Variants in ADGRG6 observed in about 807,000 individuals in gnomAD.
ADGRG6 encodes G-protein coupled receptor 126.
Under a neutral mutation model 142.4 loss-of-function variants are expected in ADGRG6, and 84 were observed. The ratio of observed to expected loss-of-function variants is 0.59; its 90% confidence interval spans 0.49 to 0.71. ADGRG6 has a LOEUF of 0.71. Ranked by LOEUF, ADGRG6 falls within the 30% of genes least tolerant of loss-of-function variation. ADGRG6 has a pLI of 0.00. For synonymous variants in ADGRG6, 521 were observed against 520.5 expected (o/e 1.00, Z -0.01); for missense variants, 1,367 against 1,466.6 (o/e 0.93, Z 1.11).
chr6:142,438,985 G>A (rs1332411749), intron 24 of ADGRG6, among the ~76,000 whole-genome samples: 2 of 152,070 alleles, frequency 1.3e-5, no homozygotes, highest in South Asian at 2.1e-4. Flanking sequence ...ACGACACCAT[G>A]GAAATAAAGA....
intron 2 of ADGRG6, among the ~76,000 whole-genome samples, chr6:142,318,597 A>G (rs2114593072): frequency 6.6e-6 from 1 of 150,886 alleles, no homozygotes; most frequent in African/African-American, 2.4e-5. Flanking sequence ...ATGTCAAGAG[A>G]TAACAGAAGA....
At chr6:142,338,038 T>TTTTTTTTTTTTTTTTTTTTTTTTTTTA in intron 2 of ADGRG6, among the ~76,000 whole-genome samples, 1 of 123,690 alleles carries the variant, frequency 8.1e-6, no homozygotes, top group Non-Finnish European at 1.7e-5. Context: ...TTTTTTTTTT[T>TTTTTTTTTTTTTTTTTTTTTTTTTTTA]GAGACGGAGT....
intron 2 of ADGRG6, among the ~76,000 whole-genome samples, chr6:142,340,479 C>T (rs963555490): frequency 4.6e-5 from 7 of 151,938 alleles, no homozygotes; most frequent in African/African-American, 9.7e-5. Flanking sequence ...TAGAAGTGCT[C>T]ATATGTACAC....
rs1440147847 is a variant in ADGRG6 at position 142,423,742 on chromosome 6, T to A, written c.3319+3638T>A. Among the ~76,000 whole-genome samples the A allele has an allele frequency of 9.4e-5, 12 of 127,108 alleles. No individual in the cohort carries two copies. The East Asian group carries it at 2.8e-3, about 30-fold the overall frequency. The allele number at this position is 127,108 out of a possible 152,430, so 83.4% of individuals were successfully genotyped here. A position where few individuals can be genotyped will look rare whatever the true frequency, so the allele number is the denominator to read the frequency against. ...GTAGCTTGATGGGGATGGCATTGAA[T>A]CTGTAAATTACCTTGGGCAGTATGG... On this transcript the variant is annotated intron_variant, in intron 22 of 24. Coordinates refer to ENST00000367609, the MANE Select transcript of ADGRG6 (RefSeq NM_198569.3).
In ADGRG6 at chr6:142,390,307, C is replaced by T. The variant is rs778064319; in HGVS notation, c.1272C>T (p.His424=). Residue 424 remains histidine, a synonymous_variant, in exon 7 of 25, where the codon CAC becomes CAT. Coordinates refer to ENST00000367609, the MANE Select transcript of ADGRG6 (RefSeq NM_198569.3). ...TAGTGATTCAGAACATCCTTCGTCACCCTGAGGTAAAAGTACAGAGCAAGG... is the reference window on the plus strand; with the variant it reads ...TAGTGATTCAGAACATCCTTCGTCATCCTGAGGTAAAAGTACAGAGCAAGG... ...ISVVIQNILR[H]PEVKVQSKVA... 1.9e-6 allele frequency: 3 copies of T among 1,601,414 alleles called. No homozygotes were observed. The highest frequency in any genetic ancestry group is 1.7e-5 in the Admixed American group (1 of 59,522).
rs779424381 is a variant in ADGRG6, at chr6:142,370,435, A to C, written c.711A>C (p.Leu237Phe). 32 of 1,613,520 alleles carry C rather than the reference A, an allele frequency of 2.0e-5. No homozygotes were observed. The highest frequency in any genetic ancestry group is 2.6e-5 in the Non-Finnish European group (31 of 1,179,604). Residue 237 changes from leucine (L) to phenylalanine (F), a missense_variant, in exon 4 of 25, where the codon TTA (leucine) becomes TTC (phenylalanine). By Grantham distance (22) the Leu-to-Phe change is conservative. Coordinates refer to ENST00000367609, the MANE Select transcript of ADGRG6 (RefSeq NM_198569.3). ...SDSKCLLNNA[L>F]PVKEKEDIFA... The stretch of plus-strand genomic sequence containing the variant: ...CAAAATGTTTGTTGAATAATGCATT[A>C]CCTGTCAAAGAAAAAGAAGACATTT...
At chr6:142,440,420 C>T (rs548863746) in intron 24 of ADGRG6, among the ~76,000 whole-genome samples, 1 of 152,196 alleles carries the variant, frequency 6.6e-6, no homozygotes, top group South Asian at 2.1e-4. Flanking sequence ...CCTCAGCCTC[C>T]CGAGTAGCTG....
intron 21 of ADGRG6, among the ~76,000 whole-genome samples, chr6:142,418,505 A>T (rs975280722): frequency 6.6e-6 from 1 of 152,140 alleles, no homozygotes; most frequent in African/African-American, 2.4e-5. Context: ...TCTAGGGACA[A>T]GCAACATTAT....
At chr6:142,377,078 A>G (rs1168634271) in intron 4 of ADGRG6, among the ~76,000 whole-genome samples, 3 of 152,032 alleles carry the variant, frequency 2.0e-5, no homozygotes, top group African/African-American at 4.8e-5. Flanking sequence ...CAGTGATTAC[A>G]TTTTTTTCAA....
At chr6:142,393,840 T>G in intron 8 of ADGRG6, 56 bp from the exon 9 acceptor site, 2 of 1,060,346 alleles carry the variant, frequency 1.9e-6, no homozygotes, top group Non-Finnish European at 2.8e-6. Context: ...CAAATTTTAT[T>G]GTTGATGATG....
chr6:142,401,678 A>C lies in ADGRG6; in HGVS notation c.1680-316A>C, dbSNP rs141884230. ...GTAGAAGGAAATAGTGCAAATGGAG[A>C]AACAAACTGGGGTGAGAGAGGAGAG... is the stretch of plus-strand genomic sequence containing the variant. On this transcript the variant is annotated intron_variant, in intron 11 of 24. Transcript: ENST00000367609. 4.6e-5 allele frequency among the ~76,000 whole-genome samples: 7 copies of C among 152,274 alleles called. No individual in the cohort carries two copies. The East Asian group carries it at 1.2e-3, about 25-fold the overall frequency.
chr6:142,408,991 C>G (rs1775951701), intron 16 of ADGRG6, among the ~76,000 whole-genome samples: 1 of 152,102 alleles, frequency 6.6e-6, no homozygotes, highest in African/African-American at 2.4e-5. Flanking sequence ...GTTTCAGCCC[C>G]TTCATTCATA....
chr6:142,311,738 A>ATTGTCC (rs1174282330), intron 2 of ADGRG6, among the ~76,000 whole-genome samples: 3 of 151,844 alleles, frequency 2.0e-5, no homozygotes, highest in African/African-American at 7.3e-5. Context: ...GTGTCCACTA[A>ATTGTCC]ATCTGTATTG....
At chr6:142,422,235 A>G (rs1776692390) in intron 22 of ADGRG6, among the ~76,000 whole-genome samples, 1 of 151,886 alleles carries the variant, frequency 6.6e-6, no homozygotes, top group Non-Finnish European at 1.5e-5. Context: ...ACATATGTAT[A>G]CATATGCCAT....
chr6:142,370,813 CTTTTTTTTTT>C lies in ADGRG6; in HGVS notation c.1069+28_1069+37del, dbSNP rs71643377. ...GCTGTGGTGAGTTTGTAGCGTATTC[CTTTTTTTTTT>C]TTTTTTTAGCATTATTCTATGAATA... On this transcript the variant is annotated intron_variant, in intron 4 of 24. Coordinates refer to ENST00000367609, the MANE Select transcript of ADGRG6 (RefSeq NM_198569.3). 9 of 1,459,162 alleles carry C rather than the reference CTTTTTTTTTT, an allele frequency of 6.2e-6. No individual in the cohort carries two copies. In the Admixed American group the frequency reaches 6.3e-5, roughly 10 times the overall value. 90.4% of individuals were successfully genotyped at this position (1,459,162 alleles called of 1,614,324 possible). A position where few individuals can be genotyped will look rare whatever the true frequency, so the allele number is the denominator to read the frequency against.
chr6:142,338,006 C>CTTTTTTTTTTTTTTTTTTT (rs1562320880), intron 2 of ADGRG6, among the ~76,000 whole-genome samples: 1 of 68,136 alleles, frequency 1.5e-5, no homozygotes, highest in Admixed American at 1.6e-4. Context: ...CTTTTTATGC[C>CTTTTTTTTTTTTTTTTTTT]TTGTATCTTT....
intron 19 of ADGRG6, among the ~76,000 whole-genome samples, chr6:142,415,574 A>G (rs1315284877): frequency 2.0e-5 from 3 of 152,210 alleles, no homozygotes; most frequent in Non-Finnish European, 4.4e-5. Flanking sequence ...TGTATAAACA[A>G]TTGGAAATAA....
chr6:142,307,567 G>A (rs1248563322), intron 1 of ADGRG6, among the ~76,000 whole-genome samples: 1 of 151,954 alleles, frequency 6.6e-6, no homozygotes, highest in African/African-American at 2.4e-5. Context: ...GTTATTTCCA[G>A]TTCTTTTTGG....
chr6:142,425,157 A>C (rs1776878258), intron 22 of ADGRG6, among the ~76,000 whole-genome samples: 1 of 152,184 alleles, frequency 6.6e-6, no homozygotes, highest in Non-Finnish European at 1.5e-5. Flanking sequence ...TATAAACACA[A>C]TAGGAAGTCT....
Sources: gnomAD v4.1 joint callset for allele counts (sites outside exome capture counted in the v4.1 genomes callset) on GRCh38, gnomAD v4.1.1 for gene constraint, MANE v1.5 for transcripts, NCBI Gene and HGNC (gene_info 2026-07-23, HGNC 2026-07-21) for gene names.